PBX1: variants seen among roughly 807,000 people sequenced by gnomAD.
PBX1 encodes the protein pre-B-cell leukemia transcription factor 1.
In PBX1, 6 loss-of-function variants were observed where a neutral mutation model predicts 53.4. The observed-to-expected ratio is 0.11, with a 90% CI of 0.06 to 0.22. The LOEUF is 0.22. PBX1 is among the 10% of genes least tolerant of loss of function. The pLI, the probability that PBX1 is intolerant of heterozygous loss-of-function variation, is 1.00. For synonymous variants in PBX1, 204 were observed against 212.3 expected (o/e 0.96, Z 0.34); for missense variants, 251 against 551.4 (o/e 0.46, Z 5.46).
intron 2 of PBX1, among the ~76,000 whole-genome samples, chr1:164,627,221 G>T (rs1198083433): frequency 2.6e-5 from 4 of 151,982 alleles, no homozygotes; most frequent in Non-Finnish European, 4.4e-5. Context: ...AAGGAAAAAT[G>T]AACCATTTGC....
At chr1:164,672,321 C>T (rs950400631) in intron 2 of PBX1, among the ~76,000 whole-genome samples, 1 of 152,208 alleles carries the variant, frequency 6.6e-6, no homozygotes, top group Non-Finnish European at 1.5e-5. Context: ...AGACATTTAA[C>T]ACCCTTCCAG....
At chr1:164,582,621 T>G (rs753191964) in intron 2 of PBX1, among the ~76,000 whole-genome samples, 8 of 151,912 alleles carry the variant, frequency 5.3e-5, no homozygotes, top group Non-Finnish European at 1.0e-4. Context: ...TGGGGTTTCA[T>G]CATATTGGTC....
At chr1:164,732,893 T>C (rs770013154) in intron 2 of PBX1, among the ~76,000 whole-genome samples, 25 of 152,186 alleles carry the variant, frequency 1.6e-4, no homozygotes, top group Non-Finnish European at 2.6e-4. Flanking sequence ...AAGACAGAAA[T>C]CTACACTTCC....
chr1:164,795,370 A>T (rs963000785), intron 3 of PBX1, among the ~76,000 whole-genome samples: 3 of 152,222 alleles, frequency 2.0e-5, no homozygotes, highest in Admixed American at 6.5e-5. Context: ...CTTGGGCTAG[A>T]TTACTGGCAC....
At position 164,845,215 on chromosome 1, in the gene PBX1, C is replaced by T. The variant is rs556460233; in HGVS notation, c.1201-1369C>T. Reference sequence around the variant, plus strand: ...TAAAGAAAGCCAAGTGGTTGAAAAGCGCAGAGAAAATGGAGCCCGAATTCA... The same window carrying T: ...TAAAGAAAGCCAAGTGGTTGAAAAGTGCAGAGAAAATGGAGCCCGAATTCA... On this transcript the variant is annotated intron_variant, in intron 8 of 8. Transcript: ENST00000420696. 4.6e-5 allele frequency among the ~76,000 whole-genome samples: 7 copies of T among 152,126 alleles called. 1 individual carries two copies. The highest frequency in any genetic ancestry group is 1.2e-4 in the African/African-American group (5 of 41,500).
chr1:164,755,104 A>G (rs1666437876), intron 2 of PBX1, among the ~76,000 whole-genome samples: 1 of 152,212 alleles, frequency 6.6e-6, no homozygotes, highest in African/African-American at 2.4e-5. Flanking sequence ...CAGCTACCCT[A>G]GAAAAGCAAC....
chr1:164,603,773 T>C (rs998954792), intron 2 of PBX1, among the ~76,000 whole-genome samples: 8 of 152,148 alleles, frequency 5.3e-5, no homozygotes, highest in Non-Finnish European at 1.2e-4. Context: ...GACATCTCTT[T>C]TATACATTTC....
At chr1:164,585,568 G>A (rs1011027124) in intron 2 of PBX1, among the ~76,000 whole-genome samples, 9 of 152,214 alleles carry the variant, frequency 5.9e-5, no homozygotes, top group African/African-American at 2.2e-4. Context: ...TTGAGAACCA[G>A]TGCATTTAAA....
At chr1:164,727,098 G>A (rs1286565963) in intron 2 of PBX1, among the ~76,000 whole-genome samples, 1 of 151,348 alleles carries the variant, frequency 6.6e-6, no homozygotes, top group Non-Finnish European at 1.5e-5. Flanking sequence ...CTTTTATTAA[G>A]TTACACACCC....
At chr1:164,755,529 C>T (rs114338417) in intron 2 of PBX1, among the ~76,000 whole-genome samples, 1,993 of 152,160 alleles carry the variant, frequency 0.013, 17 homozygotes, top group Non-Finnish European at 0.019. Context: ...TAAAAATGTG[C>T]TCAGTGCCAG....
At chr1:164,799,347 T>C (rs1013719226) in intron 3 of PBX1, among the ~76,000 whole-genome samples, 7 of 151,886 alleles carry the variant, frequency 4.6e-5, no homozygotes, top group African/African-American at 7.2e-5. Context: ...AAAAATTAGC[T>C]GGGCGTGGTG....
At chr1:164,636,063 G>C (rs1780338) in intron 2 of PBX1, among the ~76,000 whole-genome samples, 40,051 of 151,968 alleles carry the variant, frequency 0.26, 6,290 homozygotes, top group Middle Eastern at 0.4. Context: ...GCCTGGTCTG[G>C]GTAAATGGGC....
chr1:164,812,167 T>G lies in PBX1; in HGVS notation c.997+18T>G. The G allele has an allele frequency of 6.2e-7, 1 of 1,602,010 alleles. No homozygotes were observed. ...CTCGGCTGGTTAGTTTTTTCTTTGA[T>G]TGGGGGTGGGGGAAGGAATTGTTCT... On this transcript the variant is annotated intron_variant, in intron 6 of 8. Transcript: ENST00000420696.
chr1:164,632,351 A>G (rs977975112), intron 2 of PBX1, among the ~76,000 whole-genome samples: 1 of 151,940 alleles, frequency 6.6e-6, no homozygotes, highest in Admixed American at 6.6e-5. Context: ...GGTGCTGCCC[A>G]TTTTCCCAAG....
intron 2 of PBX1, among the ~76,000 whole-genome samples, chr1:164,662,595 C>A (rs998930035): frequency 3.9e-5 from 6 of 152,034 alleles, no homozygotes; most frequent in South Asian, 2.1e-4. Context: ...AAGCCTGAAG[C>A]CTCCCTGAAT....
Position 164,643,261 on chromosome 1 carries a change from G to A in PBX1, c.265+79950G>A, listed in dbSNP as rs906661354. 3.9e-5 allele frequency among the ~76,000 whole-genome samples: 6 copies of A among 152,270 alleles called. No individual in the cohort carries two copies. In the South Asian group the frequency reaches 1.0e-3, roughly 26 times the overall value. Reference sequence around the variant, plus strand: ...GACGCTCTCCCTACCCCCGTGACAGGGTGATGCCATTTACTCTCCAGATTT... The same window carrying A: ...GACGCTCTCCCTACCCCCGTGACAGAGTGATGCCATTTACTCTCCAGATTT... On this transcript the variant is annotated intron_variant, in intron 2 of 8. Coordinates refer to ENST00000420696, the MANE Select transcript of PBX1 (RefSeq NM_002585.4).
chr1:164,579,798 A>G (rs531791782), intron 2 of PBX1, among the ~76,000 whole-genome samples: 2 of 152,316 alleles, frequency 1.3e-5, no homozygotes, highest in South Asian at 2.1e-4. Flanking sequence ...ACTTTCCTGT[A>G]TGAAACAGGA....
chr1:164,566,467 C>T (rs1454337625), intron 2 of PBX1, among the ~76,000 whole-genome samples: 1 of 152,160 alleles, frequency 6.6e-6, no homozygotes, highest in Admixed American at 6.5e-5. Flanking sequence ...CTCGCTCATT[C>T]TAGGAATACA....
rs138634046 is a variant in PBX1, at chr1:164,710,158, G to A, written c.266-82336G>A. Among the ~76,000 whole-genome samples the A allele has an allele frequency of 7.2e-3, 1,092 of 152,276 alleles. 14 individuals are homozygous for A. Among genetic ancestry groups the A allele is most frequent in the African/African-American group, 0.025 (1,023 of 41,560 alleles). On this transcript the variant is annotated intron_variant, in intron 2 of 8. Coordinates refer to ENST00000420696, the MANE Select transcript of PBX1 (RefSeq NM_002585.4). ...TATTACCTATTGTGACTGTTTCTTC[G>A]TGGGCAAAGCAACATCATCCTTTCT...
Sources: gnomAD v4.1 joint callset for allele counts (sites outside exome capture counted in the v4.1 genomes callset) on GRCh38, gnomAD v4.1.1 for gene constraint, MANE v1.5 for transcripts, NCBI Gene and HGNC (gene_info 2026-07-23, HGNC 2026-07-21) for gene names.